Variants in RAPGEF4 observed in about 807,000 individuals in gnomAD.
RAPGEF4 encodes Rap guanine nucleotide exchange factor 4, also known as RAP guanine-nucleotide-exchange factor (GEF) 4.
RAPGEF4 carries 66 observed loss-of-function variants against 147.9 expected under a neutral mutation model. The observed-to-expected ratio is 0.45, with a 90% CI of 0.37 to 0.55. The LOEUF is 0.55. Among genes scored for constraint, RAPGEF4 ranks in the 20% least tolerant of loss-of-function variants. The pLI, the probability that RAPGEF4 is intolerant of heterozygous loss-of-function variation, is 0.00. For synonymous variants in RAPGEF4, 419 were observed against 442.7 expected (o/e 0.95, Z 0.67); for missense variants, 1,071 against 1,257.3 (o/e 0.85, Z 2.24).
At chr2:172,892,191 C>T (rs556678149) in intron 4 of RAPGEF4, among the ~76,000 whole-genome samples, 3 of 152,288 alleles carry the variant, frequency 2.0e-5, no homozygotes, top group African/African-American at 4.8e-5. Context: ...GATGCTTGCC[C>T]GTTCCCCTGA....
chr2:173,026,693 A>C lies in RAPGEF4; in HGVS notation c.2375A>C (p.His792Pro), dbSNP rs775037078. The change falls in exon 24 of 31, where the codon CAT (histidine) becomes CCT (proline). Residue 792 changes from histidine (H) to proline (P), a missense_variant. Coordinates refer to ENST00000397081, the MANE Select transcript of RAPGEF4 (RefSeq NM_007023.4). ...IYDWELFNCVHELELIYHTFG... is the reference protein window; with the variant it reads ...IYDWELFNCVPELELIYHTFG... ...GATTGGGAACTCTTCAACTGCGTGC[A>C]TGAGGTAAGATGCAGGATCAGATGT... 1.1e-5 allele frequency: 18 copies of C among 1,613,622 alleles called. No homozygotes were observed. Among genetic ancestry groups the C allele is most frequent in the Non-Finnish European group, 1.5e-5 (18 of 1,179,904 alleles).
chr2:172,839,924 A>C (rs1428785871), intron 4 of RAPGEF4, among the ~76,000 whole-genome samples: 1 of 152,238 alleles, frequency 6.6e-6, no homozygotes, highest in Admixed American at 6.5e-5. Flanking sequence ...GCAGAGTATC[A>C]ATATAAAAGT....
chr2:172,916,554 T>G (rs956498596), intron 4 of RAPGEF4, among the ~76,000 whole-genome samples: 11 of 152,170 alleles, frequency 7.2e-5, no homozygotes, highest in Admixed American at 5.9e-4. Flanking sequence ...ATATCAGGAA[T>G]GCAGGGTGAT....
chr2:173,011,170 G>GCGCACACACACACACA (rs564434178), intron 17 of RAPGEF4, among the ~76,000 whole-genome samples: 140 of 133,560 alleles, frequency 1.0e-3, no homozygotes, highest in African/African-American at 2.3e-3. Flanking sequence ...GCGCGCGCGC[G>GCGCACACACACACACA]CACACACACA....
intron 3 of RAPGEF4, among the ~76,000 whole-genome samples, chr2:172,808,521 GA>G (rs1286339064): frequency 1.3e-5 from 2 of 152,092 alleles, no homozygotes; most frequent in African/African-American, 2.4e-5. Context: ...TTAAATGATA[GA>G]AAAAAACTGC....
chr2:172,756,893 C>G (rs1695831682), intron 1 of RAPGEF4, among the ~76,000 whole-genome samples: 1 of 152,198 alleles, frequency 6.6e-6, no homozygotes. Flanking sequence ...TGCCTGATGA[C>G]TCTTGGAAGT....
chr2:172,746,591 C>T (rs756921987), intron 1 of RAPGEF4, among the ~76,000 whole-genome samples: 53 of 151,886 alleles, frequency 3.5e-4, no homozygotes, highest in Non-Finnish European at 7.4e-4. Flanking sequence ...AAATGGATGA[C>T]TTGCTGTATA....
rs79661868 is a variant in RAPGEF4, at chr2:172,761,535, A to G, written c.65+25487A>G. ...AATATCCTTCAGGAATGAAGGGGGA[A>G]CCAAGCTGTCTCCAGATGAAGAAAA... On this transcript the variant is annotated intron_variant, in intron 1 of 30. Coordinates refer to ENST00000397081, the MANE Select transcript of RAPGEF4 (RefSeq NM_007023.4). 7.0e-3 allele frequency among the ~76,000 whole-genome samples: 1,067 copies of G among 152,330 alleles called. 15 individuals carry two copies. The highest frequency in any genetic ancestry group is 0.024 in the African/African-American group (998 of 41,570).
chr2:172,951,254 A>G (rs1211472600), intron 6 of RAPGEF4, among the ~76,000 whole-genome samples: 1 of 152,222 alleles, frequency 6.6e-6, no homozygotes, highest in Non-Finnish European at 1.5e-5. Context: ...GGAAACACCC[A>G]ATCAGTTTGC....
At chr2:173,032,518 A>AT (rs1697287542) in intron 26 of RAPGEF4, among the ~76,000 whole-genome samples, 1 of 152,142 alleles carries the variant, frequency 6.6e-6, no homozygotes, top group African/African-American at 2.4e-5. Context: ...ATCCACTCTT[A>AT]TTTTTTTAAA....
At position 173,021,573 on chromosome 2, in the gene RAPGEF4, G is replaced by T. The variant is rs982728274; in HGVS notation, c.2253+858G>T. Among the ~76,000 whole-genome samples the T allele has an allele frequency of 2.6e-5, 4 of 152,130 alleles. 1 individual carries two copies. In the East Asian group the frequency reaches 7.7e-4, roughly 29 times the overall value. On this transcript the variant is annotated intron_variant, in intron 23 of 30. Coordinates refer to ENST00000397081, the MANE Select transcript of RAPGEF4 (RefSeq NM_007023.4). ...ACTGCACTCCAGCCTGGGCAACAGA[G>T]CGAGACTCTGCCTCAAAAACAAAGA...
chr2:172,985,358 C>G (rs1692136535), intron 11 of RAPGEF4, 75 bp from the exon 12 acceptor site: 3 of 1,606,508 alleles, frequency 1.9e-6, no homozygotes, highest in East Asian at 2.2e-5. Context: ...CATTGTGCCC[C>G]CAGAAAGAGT....
intron 1 of RAPGEF4, among the ~76,000 whole-genome samples, chr2:172,787,666 T>A (rs1685353259): frequency 6.6e-6 from 1 of 150,774 alleles, no homozygotes; most frequent in South Asian, 2.1e-4. Flanking sequence ...GTCACCCAGG[T>A]TGGAGTGCAG....
intron 4 of RAPGEF4, among the ~76,000 whole-genome samples, chr2:172,869,110 C>A (rs1426625211): frequency 6.6e-6 from 1 of 152,150 alleles, no homozygotes; most frequent in Admixed American, 6.5e-5. Context: ...CTGAATTTCC[C>A]CCCATTCTAA....
chr2:172,787,727 C>T (rs756786119), intron 1 of RAPGEF4, among the ~76,000 whole-genome samples: 12 of 152,000 alleles, frequency 7.9e-5, no homozygotes, highest in Non-Finnish European at 7.4e-5. Flanking sequence ...TCAAGCAATC[C>T]TCCTGTCTCA....
At chr2:172,937,298 C>G (rs1483659580) in intron 6 of RAPGEF4, among the ~76,000 whole-genome samples, 2 of 151,980 alleles carry the variant, frequency 1.3e-5, no homozygotes, top group Non-Finnish European at 2.9e-5. Flanking sequence ...TTCGAAAATT[C>G]TATCCAGGAC....
At chr2:173,028,420 T>C (rs1696861108) in intron 25 of RAPGEF4, among the ~76,000 whole-genome samples, 1 of 152,220 alleles carries the variant, frequency 6.6e-6, no homozygotes, top group Non-Finnish European at 1.5e-5. Context: ...CACCTTAGCC[T>C]GGCAGTGCCC....
intron 6 of RAPGEF4, among the ~76,000 whole-genome samples, chr2:172,934,647 A>G (rs1686356077): frequency 6.6e-6 from 1 of 152,054 alleles, no homozygotes; most frequent in African/African-American, 2.4e-5. Flanking sequence ...GGAGTTAAGT[A>G]CCAAAATACC....
At chr2:172,768,525 GA>G (rs1356537864) in intron 1 of RAPGEF4, among the ~76,000 whole-genome samples, 1 of 149,630 alleles carries the variant, frequency 6.7e-6, no homozygotes, top group African/African-American at 2.5e-5. Flanking sequence ...AAAAAAGAAA[GA>G]AAAAAAAGCT....
Sources: allele counts gnomAD v4.1 joint callset (sites outside exome capture counted in the v4.1 genomes callset), GRCh38; gene constraint gnomAD v4.1.1; transcripts MANE v1.5; gene names NCBI Gene and HGNC (gene_info 2026-07-23, HGNC 2026-07-21).